EPHA6: variants seen among roughly 807,000 people sequenced by gnomAD.
EPHA6 encodes the protein EPH receptor A6.
EPHA6 carries 50 observed loss-of-function variants against 112.0 expected under a neutral mutation model. That is an observed-to-expected ratio of 0.45 (90% confidence interval 0.36 to 0.56). EPHA6 has a LOEUF of 0.56. EPHA6 is among the 20% of genes least tolerant of loss of function. EPHA6 has a pLI of 0.00. For missense variants in EPHA6, 1,280 were observed against 1,417.4 expected, an observed-to-expected ratio of 0.90 and a Z score of 1.56; for synonymous variants, 529 against 490.7, an observed-to-expected ratio of 1.08 and a Z score of -1.03.
chr3:96,843,652 C>G (rs559444732), intron 1 of EPHA6, among the ~76,000 whole-genome samples: 2 of 152,002 alleles, frequency 1.3e-5, no homozygotes, highest in East Asian at 1.9e-4. Flanking sequence ...ATAAAAGGAT[C>G]GTGTTGGAGC....
chr3:97,574,800 G>T (rs1367499136), intron 11 of EPHA6, among the ~76,000 whole-genome samples: 3 of 152,040 alleles, frequency 2.0e-5, no homozygotes, highest in African/African-American at 7.2e-5. Flanking sequence ...AGTAGCCAGT[G>T]ATATGTTAAT....
intron 2 of EPHA6, among the ~76,000 whole-genome samples, chr3:96,954,309 A>T (rs1338679867): frequency 6.6e-6 from 1 of 152,204 alleles, no homozygotes; most frequent in East Asian, 1.9e-4. Flanking sequence ...CTTATTAAGA[A>T]TAAAAGCCAA....
chr3:97,444,845 A>T (rs2090275028), intron 6 of EPHA6, among the ~76,000 whole-genome samples: 1 of 152,216 alleles, frequency 6.6e-6, no homozygotes, highest in Non-Finnish European at 1.5e-5. Flanking sequence ...AAAAGTTGAC[A>T]CCTATAAAGC....
At chr3:97,034,035 G>C (rs2044984649) in intron 3 of EPHA6, among the ~76,000 whole-genome samples, 1 of 151,790 alleles carries the variant, frequency 6.6e-6, no homozygotes, top group African/African-American at 2.4e-5. Context: ...ACTTATTGCT[G>C]ACCACAATCT....
At position 97,753,747 on chromosome 3, in the gene EPHA6, G is replaced by A. The variant is rs2035955321; in HGVS notation, c.*5046G>A. Among the ~76,000 whole-genome samples the A allele has an allele frequency of 6.6e-6, 1 of 151,984 alleles. No homozygotes were observed. Among genetic ancestry groups the A allele is most frequent in the South Asian group, 2.1e-4 (1 of 4,828 alleles). ...CCTTTTAAATTCCATCCATTTAACA[G>A]GGGAAATAGATGATTACTCCTGACT... On this transcript the variant is annotated 3_prime_UTR_variant, in exon 18 of 18. Coordinates refer to ENST00000389672, the MANE Select transcript of EPHA6 (RefSeq NM_001080448.3).
chr3:97,746,776 TTAA>T (rs2035731961), intron 16 of EPHA6, among the ~76,000 whole-genome samples: 1 of 151,952 alleles, frequency 6.6e-6, no homozygotes, highest in South Asian at 2.1e-4. Flanking sequence ...TTGTGCCTTA[TTAA>T]TATCTGTGCT....
chr3:97,228,523 G>A (rs2078426826), intron 4 of EPHA6, among the ~76,000 whole-genome samples: 1 of 145,238 alleles, frequency 6.9e-6, no homozygotes, highest in African/African-American at 2.7e-5. Flanking sequence ...GCATTCTATG[G>A]TGTGTGTGTG....
chr3:97,470,816 A>C (rs2091208171), intron 7 of EPHA6, among the ~76,000 whole-genome samples: 1 of 151,754 alleles, frequency 6.6e-6, no homozygotes, highest in Admixed American at 6.6e-5. Flanking sequence ...CATAGAATGA[A>C]ATATATCATT....
intron 5 of EPHA6, among the ~76,000 whole-genome samples, chr3:97,322,674 A>G (rs999073768): frequency 6.6e-6 from 1 of 152,096 alleles, no homozygotes; most frequent in African/African-American, 2.4e-5. Flanking sequence ...AACAAGATTT[A>G]TTCTGTATGA....
At chr3:97,499,653 G>C (rs1462145341) in intron 10 of EPHA6, among the ~76,000 whole-genome samples, 1 of 152,072 alleles carries the variant, frequency 6.6e-6, no homozygotes, top group African/African-American at 2.4e-5. Flanking sequence ...GAATACCTTA[G>C]GCAATTGTAA....
At chr3:97,492,974 CTT>C (rs373733285) in intron 10 of EPHA6, among the ~76,000 whole-genome samples, 70 of 130,826 alleles carry the variant, frequency 5.4e-4, no homozygotes, top group South Asian at 2.5e-3. Flanking sequence ...TAAGCTTTTC[CTT>C]TTTTTTTTTT....
At chr3:96,963,559 G>A (rs1432548222) in intron 2 of EPHA6, among the ~76,000 whole-genome samples, 1 of 152,094 alleles carries the variant, frequency 6.6e-6, no homozygotes, top group Non-Finnish European at 1.5e-5. Flanking sequence ...AAAGACTTCT[G>A]TAGGGTTTAG....
At chr3:97,085,180 A>G (rs1179870620) in intron 3 of EPHA6, among the ~76,000 whole-genome samples, 4 of 152,136 alleles carry the variant, frequency 2.6e-5, no homozygotes, top group African/African-American at 9.6e-5. Context: ...GGAAATTTTT[A>G]TTTGTTTTAT....
rs531150433 is a variant in EPHA6 at position 97,406,527 on chromosome 3, C to T, written c.1731+1253C>T. ...TAATCACCTCTTAAAGGTTCCATCTCTTGATTCTGTTATAATGGCAATCAA... is the reference window on the plus strand; with the variant it reads ...TAATCACCTCTTAAAGGTTCCATCTTTTGATTCTGTTATAATGGCAATCAA... On this transcript the variant is annotated intron_variant, in intron 6 of 17. Transcript: ENST00000389672. Among the ~76,000 whole-genome samples the T allele has an allele frequency of 1.1e-4, 16 of 152,252 alleles. No homozygotes were observed. In the South Asian group the frequency reaches 2.7e-3, roughly 26 times the overall value.
In EPHA6 at chr3:97,749,084, T is replaced by C. The variant is rs1015104023; in HGVS notation, c.*383T>C. ...TGATGGTAGATGAGAAAGAACTAGT[T>C]GACCTTTCTTTCATGTTTTGTGATC... On this transcript the variant is annotated 3_prime_UTR_variant, in exon 18 of 18. Coordinates refer to ENST00000389672, the MANE Select transcript of EPHA6 (RefSeq NM_001080448.3). The C allele has an allele frequency of 4.1e-5, 10 of 241,500 alleles. No individual in the cohort carries two copies. The Admixed American group carries it at 4.2e-4, about 10-fold the overall frequency. The allele number at this position is 241,500 out of a possible 1,614,324, so 15.0% of individuals were successfully genotyped here.
chr3:97,472,715 A>C (rs994326839), intron 7 of EPHA6, among the ~76,000 whole-genome samples: 4 of 151,874 alleles, frequency 2.6e-5, no homozygotes, highest in Admixed American at 6.6e-5. Context: ...ATATCATAGT[A>C]CAATTGCTCT....
intron 3 of EPHA6, among the ~76,000 whole-genome samples, chr3:97,198,792 A>T (rs2077506005): frequency 6.6e-6 from 1 of 152,160 alleles, no homozygotes; most frequent in Admixed American, 6.6e-5. Context: ...TGAACATGCT[A>T]GTGTCTGAAC....
intron 14 of EPHA6, among the ~76,000 whole-genome samples, chr3:97,653,848 A>G (rs2094121680): frequency 6.6e-6 from 1 of 151,960 alleles, no homozygotes; most frequent in Non-Finnish European, 1.5e-5. Context: ...CAAAACATAG[A>G]TGAACGTAGA....
chr3:97,731,862 C>T (rs993600694), intron 15 of EPHA6, among the ~76,000 whole-genome samples: 15 of 151,920 alleles, frequency 9.9e-5, no homozygotes, highest in African/African-American at 3.6e-4. Context: ...TACCAGCTGA[C>T]GAAGCCAAAA....
Sources: allele counts gnomAD v4.1 joint callset (sites outside exome capture counted in the v4.1 genomes callset), GRCh38; gene constraint gnomAD v4.1.1; transcripts MANE v1.5; gene names NCBI Gene and HGNC (gene_info 2026-07-23, HGNC 2026-07-21).